Variants in LHFPL3 observed in about 807,000 individuals in gnomAD.
LHFPL3 encodes the protein LHFPL tetraspan subfamily member 3 protein.
A neutral mutation model predicts 19.3 loss-of-function variants in LHFPL3; 5 were observed. The observed-to-expected ratio is 0.26, with a 90% CI of 0.14 to 0.54. The LOEUF is 0.54. Ranked by LOEUF, LHFPL3 falls within the 20% of genes least tolerant of loss-of-function variation. LHFPL3 has a pLI of 0.94. For missense variants in LHFPL3, 249 were observed against 307.4 expected, an observed-to-expected ratio of 0.81 and a Z score of 1.42; for synonymous variants, 133 against 126.2, an observed-to-expected ratio of 1.05 and a Z score of -0.36.
chr7:104,655,539 T>G (rs1166282148), intron 1 of LHFPL3, among the ~76,000 whole-genome samples: 1 of 152,184 alleles, frequency 6.6e-6, no homozygotes, highest in Non-Finnish European at 1.5e-5. Context: ...ATCTAATTGG[T>G]TTTATTATCA....
At chr7:104,666,063 A>G (rs1220408999) in intron 1 of LHFPL3, among the ~76,000 whole-genome samples, 7 of 152,214 alleles carry the variant, frequency 4.6e-5, no homozygotes, top group East Asian at 1.9e-4. Context: ...TAATATTTGT[A>G]CATTTGTACG....
At chr7:104,446,997 A>G (rs981466254) in intron 1 of LHFPL3, among the ~76,000 whole-genome samples, 1 of 152,254 alleles carries the variant, frequency 6.6e-6, no homozygotes, top group Non-Finnish European at 1.5e-5. Flanking sequence ...TCATACTAAT[A>G]AATAAATACA....
At chr7:104,898,372 C>T (rs1260225028) in intron 2 of LHFPL3, among the ~76,000 whole-genome samples, 1 of 152,122 alleles carries the variant, frequency 6.6e-6, no homozygotes, top group East Asian at 1.9e-4. Context: ...CACACAGTAA[C>T]TAGTCCTCAA....
At chr7:104,441,017 T>C (rs1792215161) in intron 1 of LHFPL3, among the ~76,000 whole-genome samples, 1 of 152,182 alleles carries the variant, frequency 6.6e-6, no homozygotes, top group Non-Finnish European at 1.5e-5. Flanking sequence ...TGCCTCTTTC[T>C]TTCTGTGTGT....
chr7:104,467,650 T>G (rs1792819800), intron 1 of LHFPL3, among the ~76,000 whole-genome samples: 1 of 152,212 alleles, frequency 6.6e-6, no homozygotes, highest in South Asian at 2.1e-4. Flanking sequence ...CGTATTCAAT[T>G]TAATAATATT....
At chr7:104,618,544 A>G (rs1032370389) in intron 1 of LHFPL3, among the ~76,000 whole-genome samples, 1 of 152,104 alleles carries the variant, frequency 6.6e-6, no homozygotes, top group Non-Finnish European at 1.5e-5. Context: ...TTAAGATTCT[A>G]CGTCTTCCAA....
At chr7:104,896,954 C>T (rs917043157) in intron 2 of LHFPL3, among the ~76,000 whole-genome samples, 34 of 151,938 alleles carry the variant, frequency 2.2e-4, no homozygotes, top group Non-Finnish European at 4.7e-4. Context: ...GGCATGGTGG[C>T]GCACACCTGT....
intron 2 of LHFPL3, among the ~76,000 whole-genome samples, chr7:104,751,485 C>T (rs1794170900): frequency 1.3e-5 from 2 of 149,486 alleles, no homozygotes; most frequent in South Asian, 2.2e-4. Flanking sequence ...CAATTTTGAC[C>T]TATTCCTAAT....
intron 1 of LHFPL3, among the ~76,000 whole-genome samples, chr7:104,401,165 G>A (rs1434504753): frequency 2.0e-5 from 3 of 152,126 alleles, no homozygotes; most frequent in African/African-American, 7.2e-5. Flanking sequence ...TATATGTGGA[G>A]AAAACATACA....
chr7:104,685,172 C>A (rs1435317418), intron 1 of LHFPL3, among the ~76,000 whole-genome samples: 1 of 152,014 alleles, frequency 6.6e-6, no homozygotes, highest in Non-Finnish European at 1.5e-5. Context: ...CATGATGAAA[C>A]CCCATCTCTA....
rs185416469 is a variant in LHFPL3 at position 104,514,673 on chromosome 7, G to A, written c.445+185449G>A. The stretch of plus-strand genomic sequence containing the variant: ...TGGAAACTGGTGTGAACTAGGGATG[G>A]TTCTCAAACCTGATTGCAAATTAGA... On this transcript the variant is annotated intron_variant, in intron 1 of 2. Transcript: ENST00000424859. Among the ~76,000 whole-genome samples, 864 of 152,238 alleles carry A rather than the reference G, an allele frequency of 5.7e-3. 6 individuals are homozygous for A. The highest frequency in any genetic ancestry group is 0.016 in the Admixed American group (241 of 15,272).
At chr7:104,762,014 A>G (rs1794378672) in intron 2 of LHFPL3, among the ~76,000 whole-genome samples, 2 of 152,152 alleles carry the variant, frequency 1.3e-5, no homozygotes, top group South Asian at 4.1e-4. Flanking sequence ...CCTATGAATC[A>G]CCTCAGGATC....
rs553261156 is a variant in LHFPL3, at chr7:104,592,611, A to G, written c.446-144064A>G. ...AGATCTCAAACTCTGTGCTGGGAGA[A>G]CCACTATTCTCTTCAAAGCTGTCAG... On this transcript the variant is annotated intron_variant, in intron 1 of 2. Coordinates refer to ENST00000424859, the MANE Select transcript of LHFPL3 (RefSeq NM_199000.3). Among the ~76,000 whole-genome samples the G allele has an allele frequency of 2.5e-4, 38 of 152,170 alleles. No individual in the cohort carries two copies. The East Asian group carries it at 7.3e-3, about 29-fold the overall frequency.
At chr7:104,753,343 C>T (rs1052949022) in intron 2 of LHFPL3, among the ~76,000 whole-genome samples, 3 of 152,088 alleles carry the variant, frequency 2.0e-5, no homozygotes, top group African/African-American at 7.2e-5. Flanking sequence ...AGTTCTTGGA[C>T]CTACTCTTTA....
At chr7:104,611,645 C>G (rs1008703842) in intron 1 of LHFPL3, among the ~76,000 whole-genome samples, 3 of 152,028 alleles carry the variant, frequency 2.0e-5, no homozygotes, top group African/African-American at 7.2e-5. Context: ...TTCCCTTCAT[C>G]TTCTCATTTC....
chr7:104,775,251 C>T (rs1794619704), intron 2 of LHFPL3, among the ~76,000 whole-genome samples: 1 of 152,030 alleles, frequency 6.6e-6, no homozygotes, highest in South Asian at 2.1e-4. Context: ...CAAAAATTAG[C>T]CAGGCATTGT....
chr7:104,521,547 TTAAAC>T (rs1480838332), intron 1 of LHFPL3, among the ~76,000 whole-genome samples: 1 of 151,928 alleles, frequency 6.6e-6, no homozygotes, highest in African/African-American at 2.4e-5. Context: ...TGGGATCTAA[TTAAAC>T]TAAAGAGCTT....
At chr7:104,798,908 A>G (rs1468152829) in intron 2 of LHFPL3, among the ~76,000 whole-genome samples, 1 of 152,222 alleles carries the variant, frequency 6.6e-6, no homozygotes, top group Admixed American at 6.5e-5. Context: ...CTACCACAAC[A>G]GAAATGAATT....
At chr7:104,677,973 C>T (rs1562963890) in intron 1 of LHFPL3, among the ~76,000 whole-genome samples, 1 of 152,172 alleles carries the variant, frequency 6.6e-6, no homozygotes, top group Non-Finnish European at 1.5e-5. Context: ...AGGCCTGGAA[C>T]ATAGAGGAAG....
Sources: gnomAD v4.1 joint callset for allele counts (sites outside exome capture counted in the v4.1 genomes callset) on GRCh38, gnomAD v4.1.1 for gene constraint, MANE v1.5 for transcripts, NCBI Gene and HGNC (gene_info 2026-07-23, HGNC 2026-07-21) for gene names.